Variants in IL1RAPL1 observed in about 807,000 individuals in gnomAD.
IL1RAPL1 encodes the protein interleukin 1 receptor accessory protein like 1, also known as interleukin-1 receptor accessory protein-like 1.
A neutral mutation model predicts 48.4 loss-of-function variants in IL1RAPL1; 3 were observed. That is an observed-to-expected ratio of 0.06 (90% CI 0.03 to 0.16). The LOEUF (loss-of-function observed/expected upper bound fraction) is 0.16. IL1RAPL1 is among the 10% of genes least tolerant of loss of function. The pLI is 1.00. For missense variants in IL1RAPL1, 349 were observed against 530.6 expected, an observed-to-expected ratio of 0.66 and a Z score of 3.36; for synonymous variants, 185 against 187.7, an observed-to-expected ratio of 0.99 and a Z score of 0.12.
chrX:28,997,436 A>C (rs1045933189), intron 2 of IL1RAPL1, among the ~76,000 whole-genome samples: 6 of 111,628 alleles, frequency 5.4e-5, no homozygotes, highest in Admixed American at 2.9e-4. Context: ...CCACAGTTTA[A>C]ATGAAATGTG....
intron 5 of IL1RAPL1, among the ~76,000 whole-genome samples, chrX:29,492,374 A>T (rs754999281): frequency 8.9e-6 from 1 of 112,271 alleles, no homozygotes; most frequent in South Asian, 3.7e-4. Context: ...TTATTATCCT[A>T]TAGTTCCATA....
chrX:29,335,273 C>CGGAGACG (rs1932973612), intron 3 of IL1RAPL1, among the ~76,000 whole-genome samples: 1 of 15,730 alleles, frequency 6.4e-5, no homozygotes, highest in African/African-American at 2.2e-4. Context: ...GAGACGGAGA[C>CGGAGACG]GGAGAGGGGA....
intron 1 of IL1RAPL1, among the ~76,000 whole-genome samples, chrX:28,689,798 C>A (rs910965490): frequency 2.7e-5 from 3 of 111,435 alleles, no homozygotes; most frequent in African/African-American, 6.5e-5. Context: ...TCACGACTTA[C>A]CCTGGTTGTC....
intron 3 of IL1RAPL1, among the ~76,000 whole-genome samples, chrX:29,388,362 A>G (rs747940556): frequency 3.3e-5 from 2 of 60,658 alleles, no homozygotes; most frequent in South Asian, 1.1e-3. Flanking sequence ...AGAGATTAAA[A>G]AAAATATATA....
At chrX:29,841,380 T>C (rs967764818) in intron 6 of IL1RAPL1, among the ~76,000 whole-genome samples, 1 of 112,047 alleles carries the variant, frequency 8.9e-6, no homozygotes, top group African/African-American at 3.2e-5. Flanking sequence ...TGCTTTATAA[T>C]CTATCGTCTG....
chrX:29,412,195 C>T (rs1934152404), intron 5 of IL1RAPL1, among the ~76,000 whole-genome samples: 1 of 110,696 alleles, frequency 9.0e-6, no homozygotes, highest in Non-Finnish European at 1.9e-5. Context: ...TGCTTGAACT[C>T]AGGAGGCAGA....
chrX:29,312,165 C>T lies in IL1RAPL1; in HGVS notation c.362+28948C>T, dbSNP rs367836310. ...GGTTAAAAAGAGGTCCCCGGCCAGG[C>T]GTGGTGGCTCACGCCTGTAATCCCT... On this transcript the variant is annotated intron_variant, in intron 3 of 10. Coordinates refer to ENST00000378993, the MANE Select transcript of IL1RAPL1 (RefSeq NM_014271.4). 2.2e-4 allele frequency among the ~76,000 whole-genome samples: 25 copies of T among 111,725 alleles called. No individual in the cohort carries two copies. In the East Asian group the frequency reaches 6.5e-3, roughly 29 times the overall value.
chrX:29,841,284 CAAAG>C (rs2048098303), intron 6 of IL1RAPL1, among the ~76,000 whole-genome samples: 1 of 111,844 alleles, frequency 8.9e-6, no homozygotes, highest in African/African-American at 3.2e-5. Context: ...CACATCATGA[CAAAG>C]AATATTATAG....
intron 5 of IL1RAPL1, among the ~76,000 whole-genome samples, chrX:29,628,377 G>A (rs1201155829): frequency 1.8e-5 from 2 of 111,878 alleles, no homozygotes; most frequent in Non-Finnish European, 3.8e-5. Context: ...TGGTGAATGC[G>A]TGACACTGAT....
At position 29,490,389 on chromosome X, in the gene IL1RAPL1, C is replaced by T. The variant is rs772787507; in HGVS notation, c.703+91081C>T. 2.7e-5 allele frequency among the ~76,000 whole-genome samples: 3 copies of T among 109,915 alleles called. No individual in the cohort carries two copies. In the East Asian group the frequency reaches 8.6e-4, roughly 32 times the overall value. On this transcript the variant is annotated intron_variant, in intron 5 of 10. Transcript: ENST00000378993. ...TCTACAAAAAAATACAAAAATTAGT[C>T]ATGTGTGGTGACACATGCCAGTAAT...
intron 2 of IL1RAPL1, among the ~76,000 whole-genome samples, chrX:29,185,210 T>C (rs1930227661): frequency 8.9e-6 from 1 of 112,831 alleles, no homozygotes; most frequent in African/African-American, 3.2e-5. Context: ...TTTGCATTTA[T>C]CATTCATGTA....
At chrX:29,803,397 GTATA>G (rs1409716410) in intron 6 of IL1RAPL1, among the ~76,000 whole-genome samples, 1 of 85,045 alleles carries the variant, frequency 1.2e-5, no homozygotes, top group African/African-American at 4.4e-5. Context: ...ATACACATAT[GTATA>G]TATGTGTATA....
intron 2 of IL1RAPL1, among the ~76,000 whole-genome samples, chrX:28,850,123 G>T (rs1921621483): frequency 8.9e-6 from 1 of 112,226 alleles, no homozygotes; most frequent in Non-Finnish European, 1.9e-5. Flanking sequence ...TTATCCATAA[G>T]TATTTGATTT....
intron 5 of IL1RAPL1, among the ~76,000 whole-genome samples, chrX:29,506,038 A>C (rs1412634253): frequency 8.9e-6 from 1 of 112,138 alleles, no homozygotes; most frequent in Non-Finnish European, 1.9e-5. Context: ...TTTTCAGTCC[A>C]GCAGATATAT....
At chrX:29,180,377 T>TATC (rs1930119516) in intron 2 of IL1RAPL1, among the ~76,000 whole-genome samples, 1 of 110,356 alleles carries the variant, frequency 9.1e-6, no homozygotes, top group African/African-American at 3.3e-5. Context: ...TCATTATTAT[T>TATC]ATTATTATTA....
chrX:28,668,553 C>T (rs998427164), intron 1 of IL1RAPL1, among the ~76,000 whole-genome samples: 5 of 113,556 alleles, frequency 4.4e-5, no homozygotes, highest in South Asian at 3.5e-4. Flanking sequence ...CCACCGCACC[C>T]GGCCAAGAAT....
intron 1 of IL1RAPL1, among the ~76,000 whole-genome samples, chrX:28,704,045 A>G (rs1251455315): frequency 9.0e-6 from 1 of 111,663 alleles, no homozygotes; most frequent in Non-Finnish European, 1.9e-5. Context: ...TCCAAAACCA[A>G]TTATTATGAT....
intron 2 of IL1RAPL1, among the ~76,000 whole-genome samples, chrX:28,906,841 T>C (rs1187946540): frequency 8.9e-6 from 1 of 112,125 alleles, no homozygotes; most frequent in African/African-American, 3.2e-5. Context: ...GTAAGTCTAA[T>C]ATATCCAGCC....
At chrX:29,215,038 G>T (rs1930840005) in intron 2 of IL1RAPL1, among the ~76,000 whole-genome samples, 1 of 110,832 alleles carries the variant, frequency 9.0e-6, no homozygotes, top group African/African-American at 3.3e-5. Flanking sequence ...AATACTAAAG[G>T]CTGTCAAGAT....
Sources: allele counts gnomAD v4.1 joint callset (sites outside exome capture counted in the v4.1 genomes callset), GRCh38; gene constraint gnomAD v4.1.1; transcripts MANE v1.5; gene names NCBI Gene and HGNC (gene_info 2026-07-23, HGNC 2026-07-21).